Variants in FAT4 observed in about 807,000 individuals in gnomAD.
The protein encoded by FAT4 is protocadherin Fat 4.
Under a neutral mutation model 303.9 loss-of-function variants are expected in FAT4, and 84 were observed. That is an observed-to-expected ratio of 0.28 (90% CI 0.23 to 0.33). FAT4 has a LOEUF of 0.33. FAT4 is among the 10% of genes least tolerant of loss of function. The probability of loss-of-function intolerance (pLI) is 1.00; values close to 1 mark genes in which losing one functional copy is unlikely to be tolerated. For synonymous variants in FAT4, 2,307 were observed against 2,298.8 expected (o/e 1.00, Z -0.10); for missense variants, 6,005 against 6,146.8 (o/e 0.98, Z 0.77).
intron 2 of FAT4, among the ~76,000 whole-genome samples, chr4:125,331,712 G>A (rs1414428654): frequency 3.9e-5 from 6 of 152,158 alleles, no homozygotes; most frequent in Non-Finnish European, 2.9e-5. Context: ...TTGTTCATCA[G>A]AAAACAGGTG....
At chr4:125,338,861 T>G (rs2125965792) in intron 2 of FAT4, among the ~76,000 whole-genome samples, 1 of 152,318 alleles carries the variant, frequency 6.6e-6, no homozygotes, top group East Asian at 1.9e-4. Context: ...CTTCTGTTTT[T>G]AAAATACTGA....
At chr4:125,466,641 T>C (rs1470096016) in intron 11 of FAT4, among the ~76,000 whole-genome samples, 3 of 150,626 alleles carry the variant, frequency 2.0e-5, no homozygotes, top group African/African-American at 2.4e-5. Context: ...TATAAGATTA[T>C]ACTATGTATA....
At chr4:125,445,779 T>C (rs17009673) in intron 8 of FAT4, among the ~76,000 whole-genome samples, 29,206 of 152,114 alleles carry the variant, frequency 0.19, 2,969 homozygotes, top group Admixed American at 0.29. Flanking sequence ...AGAAAGGTCT[T>C]TGTATAAATA....
chr4:125,361,086 G>T (rs1459504011), intron 2 of FAT4, among the ~76,000 whole-genome samples: 1 of 151,288 alleles, frequency 6.6e-6, no homozygotes, highest in African/African-American at 2.4e-5. Flanking sequence ...CAAATTGCTA[G>T]CTACTGTATG....
At chr4:125,442,045 T>C (rs1295609591) in intron 8 of FAT4, among the ~76,000 whole-genome samples, 4 of 152,196 alleles carry the variant, frequency 2.6e-5, no homozygotes, top group Non-Finnish European at 5.9e-5. Flanking sequence ...AGCTGAGTAT[T>C]GCAACAGAGA....
At chr4:125,379,127 T>C (rs1203510377) in intron 2 of FAT4, among the ~76,000 whole-genome samples, 1 of 152,192 alleles carries the variant, frequency 6.6e-6, no homozygotes, top group Non-Finnish European at 1.5e-5. Flanking sequence ...TAAAGCTTTT[T>C]AATGTCTTTG....
Position 125,490,406 on chromosome 4 carries a change from G to C in FAT4, c.13590G>C (p.Gln4530His), listed in dbSNP as rs747634638. The C allele has an allele frequency of 6.2e-7, 1 of 1,614,128 alleles. No individual in the cohort carries two copies. Among genetic ancestry groups the C allele is most frequent in the Admixed American group, 1.7e-5 (1 of 60,030 alleles). Residue 4530 changes from glutamine to histidine, a missense_variant, in exon 18 of 18, where the codon CAG (glutamine) becomes CAC (histidine). By Grantham distance (24) the Gln-to-His change is conservative (BLOSUM62 0). Transcript: ENST00000394329. Reference protein sequence around the residue: ...LLVLSLILCNQCRGKKAKNPK... With the variant: ...LLVLSLILCNHCRGKKAKNPK... ...TCCTTAGCCTGATCCTGTGTAACCA[G>C]TGCAGGGGGAAGAAGGCCAAAAATC... is the stretch of plus-strand genomic sequence containing the variant.
intron 2 of FAT4, among the ~76,000 whole-genome samples, chr4:125,322,801 G>A (rs1578521061): frequency 6.6e-6 from 1 of 151,510 alleles, no homozygotes; most frequent in East Asian, 1.9e-4. Context: ...TATGGATGGG[G>A]AAGAATATTT....
rs1351954274 is a variant in FAT4, at chr4:125,318,752, A to G, written c.2341A>G (p.Ile781Val). The change falls in exon 2 of 18, where the codon ATC becomes GTC. Residue 781 changes from isoleucine (I) to valine (V), a missense_variant. Physicochemically the swap from Ile to Val is conservative, Grantham distance 29 (BLOSUM62 3). Transcript: ENST00000394329. ...LQSPNQAIVT[I>V]TVLDTQDNPP... ...ATCTCCCAACCAGGCAATAGTAACC[A>G]TCACTGTATTGGACACTCAAGACAA... The G allele has an allele frequency of 1.2e-6, 2 of 1,614,064 alleles. No homozygotes were observed. Among genetic ancestry groups the G allele is most frequent in the Non-Finnish European group, 1.7e-6 (2 of 1,179,934 alleles).
intron 2 of FAT4, among the ~76,000 whole-genome samples, chr4:125,361,861 G>A (rs1732685932): frequency 6.6e-6 from 1 of 152,112 alleles, no homozygotes; most frequent in Non-Finnish European, 1.5e-5. Flanking sequence ...TCACTAGGAT[G>A]CACTCCAGTT....
In FAT4 at chr4:125,450,335, A is replaced by G. The variant is rs754317822; in HGVS notation, c.9325A>G (p.Ile3109Val). The G allele has an allele frequency of 6.2e-6, 10 of 1,614,132 alleles. No individual in the cohort carries two copies. In the Admixed American group the frequency reaches 1.5e-4, roughly 24 times the overall value. The stretch of plus-strand genomic sequence containing the variant: ...CCCTGAGAGCCATAGCATTGGGTCC[A>G]TTGTCAGAACTGTTTCTGCAAGAGA... The part of the protein sequence containing the change: ...TIPESHSIGS[I>V]VRTVSARDRD... The change falls in exon 10 of 18, where the codon ATT becomes GTT. Residue 3109 changes from isoleucine to valine, a missense_variant. Ile to Val is a conservative substitution (Grantham distance 29). Transcript: ENST00000394329.
chr4:125,455,912 G>C (rs954093817), intron 10 of FAT4, among the ~76,000 whole-genome samples: 5 of 152,166 alleles, frequency 3.3e-5, no homozygotes, highest in African/African-American at 9.7e-5. Context: ...TCTTCAAACT[G>C]GCTAAGAATA....
At chr4:125,391,255 A>C (rs1733964197) in intron 2 of FAT4, among the ~76,000 whole-genome samples, 1 of 152,168 alleles carries the variant, frequency 6.6e-6, no homozygotes, top group African/African-American at 2.4e-5. Context: ...ATAGCAAAGA[A>C]ATGGATCCAA....
At chr4:125,360,933 AT>A (rs1270104995) in intron 2 of FAT4, among the ~76,000 whole-genome samples, 1 of 93,036 alleles carries the variant, frequency 1.1e-5, no homozygotes, top group African/African-American at 3.4e-5. Context: ...TTATTTATTT[AT>A]TTTATTATTT....
rs144297905 is a variant in FAT4, at chr4:125,491,246, A to G, written c.14430A>G (p.Ala4810=). 49 of 1,614,148 alleles carry G rather than the reference A, an allele frequency of 3.0e-5. No homozygotes were observed. The Middle Eastern group carries it at 9.9e-4, about 33-fold the overall frequency. ...PRPRNPSICS[A]DHGRSSSEED... ...CTAGAAACCCAAGTATCTGCAGTGC[A>G]GACCATGGGAGGTCTTCTTCAGAGG... The change falls in exon 18 of 18, where the codon GCA becomes GCG. Residue 4810 remains alanine (A), a synonymous_variant. Coordinates refer to ENST00000394329, the MANE Select transcript of FAT4 (RefSeq NM_001291303.3).
intron 2 of FAT4, among the ~76,000 whole-genome samples, chr4:125,358,675 C>T (rs989244352): frequency 6.6e-6 from 1 of 152,104 alleles, no homozygotes; most frequent in East Asian, 1.9e-4. Context: ...GCTTCACTCC[C>T]TTGCTCACTG....
chr4:125,457,634 A>T (rs1233642938), intron 10 of FAT4, among the ~76,000 whole-genome samples: 2 of 152,048 alleles, frequency 1.3e-5, no homozygotes, highest in African/African-American at 4.8e-5. Context: ...TTTTTATATT[A>T]ATATCACCAT....
At chr4:125,339,817 A>T (rs1225945513) in intron 2 of FAT4, among the ~76,000 whole-genome samples, 1 of 152,180 alleles carries the variant, frequency 6.6e-6, no homozygotes, top group Non-Finnish European at 1.5e-5. Flanking sequence ...TGACCTGGTC[A>T]TATATAAGAA....
At chr4:125,383,646 T>G (rs1405933595) in intron 2 of FAT4, among the ~76,000 whole-genome samples, 1 of 152,152 alleles carries the variant, frequency 6.6e-6, no homozygotes, top group Admixed American at 6.6e-5. Flanking sequence ...TGTCACAAAC[T>G]TCTAATTTGT....
Sources: allele counts gnomAD v4.1 joint callset (sites outside exome capture counted in the v4.1 genomes callset), GRCh38; gene constraint gnomAD v4.1.1; transcripts MANE v1.5; gene names NCBI Gene and HGNC (gene_info 2026-07-23, HGNC 2026-07-21).